Variants in AHCYL2 observed in about 807,000 individuals in gnomAD.
AHCYL2 encodes the protein S-adenosylhomocysteine hydrolase-like protein 2.
In AHCYL2, 28 loss-of-function variants were observed where a neutral mutation model predicts 81.4. The ratio of observed to expected loss-of-function variants is 0.34; its 90% CI spans 0.25 to 0.47. The LOEUF is 0.47. Ranked by LOEUF, AHCYL2 falls within the 20% of genes least tolerant of loss-of-function variation. The pLI is 1.00. For synonymous variants in AHCYL2, 272 were observed against 290.2 expected (o/e 0.94, Z 0.64); for missense variants, 551 against 785.1 (o/e 0.70, Z 3.56).
At chr7:129,358,151 T>G (rs1793803010) in intron 1 of AHCYL2, among the ~76,000 whole-genome samples, 1 of 151,900 alleles carries the variant, frequency 6.6e-6, no homozygotes, top group Non-Finnish European at 1.5e-5. Flanking sequence ...CCCAGCACTT[T>G]GGGAGGCCGA....
chr7:129,328,039 C>A lies in AHCYL2; in HGVS notation c.364-51599C>A, dbSNP rs76121854. 3.4e-3 allele frequency among the ~76,000 whole-genome samples: 515 copies of A among 152,332 alleles called. 1 individual carries two copies. Among genetic ancestry groups the A allele is most frequent in the African/African-American group, 0.012 (499 of 41,574 alleles). Reference sequence around the variant, plus strand: ...TTTTGAACTCCTGGCCTCAAGTGATCTTCCTATGTCTGCCTCCCAAAGGGC... The same window carrying A: ...TTTTGAACTCCTGGCCTCAAGTGATATTCCTATGTCTGCCTCCCAAAGGGC... On this transcript the variant is annotated intron_variant, in intron 1 of 16. Coordinates refer to ENST00000325006, the MANE Select transcript of AHCYL2 (RefSeq NM_015328.4).
intron 1 of AHCYL2, among the ~76,000 whole-genome samples, chr7:129,249,535 C>T (rs999963092): frequency 1.3e-5 from 2 of 152,072 alleles, no homozygotes; most frequent in East Asian, 1.9e-4. Flanking sequence ...ACGCCATTCT[C>T]CTGCCTCAGC....
At chr7:129,416,510 A>T (rs1796856601) in intron 12 of AHCYL2, among the ~76,000 whole-genome samples, 2 of 152,190 alleles carry the variant, frequency 1.3e-5, no homozygotes. Context: ...TATTAAGAAT[A>T]TGATGAGCCG....
intron 1 of AHCYL2, among the ~76,000 whole-genome samples, chr7:129,278,958 A>T (rs1387937045): frequency 6.6e-6 from 1 of 152,126 alleles, no homozygotes; most frequent in Non-Finnish European, 1.5e-5. Flanking sequence ...CATTATTTTT[A>T]TAGCTATAGT....
chr7:129,324,579 G>A (rs1185874543), intron 1 of AHCYL2, among the ~76,000 whole-genome samples: 2 of 152,112 alleles, frequency 1.3e-5, no homozygotes, highest in African/African-American at 4.8e-5. Context: ...GCAGTGGCGC[G>A]ATCTTGGCTC....
rs1794222725 is a variant in AHCYL2 at position 129,368,676 on chromosome 7, ATTACT to A, written c.364-10961_364-10957del. The A allele has an allele frequency of 6.1e-6, 7 of 1,156,782 alleles. No homozygotes were observed. Among genetic ancestry groups the A allele is most frequent in the Non-Finnish European group, 8.9e-6 (7 of 784,700 alleles). The allele number at this position is 1,156,782 out of a possible 1,614,324, so 71.7% of individuals were successfully genotyped here. A position where few individuals can be genotyped will look rare whatever the true frequency, so the allele number is the denominator to read the frequency against. On this transcript the variant is annotated intron_variant, in intron 1 of 16. Transcript: ENST00000325006. The surrounding 1 kb of genome is among the most constrained non-coding windows in gnomAD (Gnocchi z 4.4). The stretch of plus-strand genomic sequence containing the variant: ...AAGATCCGTGGTTGGAAAAACAGTT[ATTACT>A]CTACGTTCTGATTAGTTCCTAGGTA...
intron 2 of AHCYL2, among the ~76,000 whole-genome samples, chr7:129,382,460 C>T (rs1274360426): frequency 2.0e-5 from 3 of 152,036 alleles, no homozygotes; most frequent in East Asian, 1.9e-4. Context: ...ATTAGCCAGG[C>T]GTCGTGGCGC....
intron 4 of AHCYL2, among the ~76,000 whole-genome samples, chr7:129,396,918 C>A (rs1484890340): frequency 6.6e-6 from 1 of 152,176 alleles, no homozygotes; most frequent in Non-Finnish European, 1.5e-5. Flanking sequence ...TAAGCAGAAG[C>A]AGAACTGTAA....
chr7:129,403,335 G>A, intron 6 of AHCYL2, 44 bp from the exon 7 acceptor site: 1 of 1,394,826 alleles, frequency 7.2e-7, no homozygotes. Flanking sequence ...GAAGCCTTGA[G>A]ACTTCAGCAA....
chr7:129,264,941 T>G (rs1354017687), intron 1 of AHCYL2, among the ~76,000 whole-genome samples: 1 of 152,244 alleles, frequency 6.6e-6, no homozygotes, highest in Non-Finnish European at 1.5e-5. Context: ...TGAGTTTATT[T>G]TTATTAAAAA....
intron 11 of AHCYL2, among the ~76,000 whole-genome samples, chr7:129,411,067 G>T (rs1445804976): frequency 6.6e-6 from 1 of 151,392 alleles, no homozygotes; most frequent in Non-Finnish European, 1.5e-5. Flanking sequence ...GCCCAGCCTG[G>T]ACCTTTTTTT....
At chr7:129,397,463 T>C in intron 5 of AHCYL2, 139 bp downstream of exon 5, 1 of 933,602 alleles carries the variant, frequency 1.1e-6, no homozygotes, top group Non-Finnish European at 1.6e-6. Context: ...TTCATGAATT[T>C]GCTCTTTTTC....
chr7:129,249,200 G>A (rs1795164630), intron 1 of AHCYL2, among the ~76,000 whole-genome samples: 1 of 151,860 alleles, frequency 6.6e-6, no homozygotes, highest in South Asian at 2.1e-4. Context: ...ATCTTGCCAT[G>A]TTGTCCAGGC....
At chr7:129,313,946 A>G (rs1320282111) in intron 1 of AHCYL2, among the ~76,000 whole-genome samples, 1 of 152,210 alleles carries the variant, frequency 6.6e-6, no homozygotes, top group Non-Finnish European at 1.5e-5. Flanking sequence ...CCAGAAATGT[A>G]GCATTTATAG....
intron 1 of AHCYL2, among the ~76,000 whole-genome samples, chr7:129,353,900 A>C (rs1265763283): frequency 6.6e-6 from 1 of 152,004 alleles, no homozygotes; most frequent in Non-Finnish European, 1.5e-5. Flanking sequence ...GATCAAAGGA[A>C]ATATGAGTAT....
chr7:129,426,986 A>C lies in AHCYL2; in HGVS notation c.1830-53A>C. Reference sequence around the variant, plus strand: ...CCTTTAGGCAGGCTCTTCATGTCCCAGCATCCCCATTAGCTGATAACATCA... The same window carrying C: ...CCTTTAGGCAGGCTCTTCATGTCCCCGCATCCCCATTAGCTGATAACATCA... On this transcript the variant is annotated intron_variant, in intron 16 of 16. Coordinates refer to ENST00000325006, the MANE Select transcript of AHCYL2 (RefSeq NM_015328.4). This position sits in a 1 kb window ranked among gnomAD's most constrained non-coding sequence, Gnocchi z 4.3. 1 of 1,586,544 alleles carries C rather than the reference A, an allele frequency of 6.3e-7. No individual in the cohort carries two copies. Among genetic ancestry groups the C allele is most frequent in the Non-Finnish European group, 8.6e-7 (1 of 1,156,162 alleles).
chr7:129,267,124 T>C (rs968080660), intron 1 of AHCYL2, among the ~76,000 whole-genome samples: 1 of 152,042 alleles, frequency 6.6e-6, no homozygotes, highest in Non-Finnish European at 1.5e-5. Context: ...AAAAAAAGAT[T>C]ATGAAATCAC....
intron 4 of AHCYL2, among the ~76,000 whole-genome samples, chr7:129,396,933 G>GT (rs1183135897): frequency 1.3e-5 from 2 of 152,180 alleles, no homozygotes; most frequent in Admixed American, 6.5e-5. Flanking sequence ...CTGTAAATCT[G>GT]TTTTTTCAGA....
intron 1 of AHCYL2, among the ~76,000 whole-genome samples, chr7:129,356,824 A>G (rs542319337): frequency 5.9e-5 from 9 of 152,192 alleles, no homozygotes; most frequent in South Asian, 2.1e-4. Flanking sequence ...CACAGAGAAG[A>G]AAAGTGTCAC....
Sources: gnomAD v4.1 joint callset for allele counts (sites outside exome capture counted in the v4.1 genomes callset) on GRCh38, gnomAD v4.1.1 for gene constraint, Gnocchi (gnomAD v3.1) non-coding constraint, MANE v1.5 for transcripts, NCBI Gene and HGNC (gene_info 2026-07-23, HGNC 2026-07-21) for gene names.